Variants in BMP5 observed in about 807,000 individuals in gnomAD.
The protein encoded by BMP5 is bone morphogenetic protein 5.
BMP5 carries 23 observed loss-of-function variants against 46.6 expected under a neutral mutation model. That is an observed-to-expected ratio of 0.49 (90% CI 0.35 to 0.70). The LOEUF is 0.70. Among genes scored for constraint, BMP5 ranks in the 30% least tolerant of loss-of-function variants. BMP5 has a pLI of 0.00. For synonymous variants in BMP5, 204 were observed against 191.9 expected (o/e 1.06, Z -0.52); for missense variants, 545 against 565.6 (o/e 0.96, Z 0.37).
chr6:55,810,397 A>C (rs2127534990), intron 2 of BMP5, among the ~76,000 whole-genome samples: 1 of 152,312 alleles, frequency 6.6e-6, no homozygotes, highest in Admixed American at 6.5e-5. Context: ...ACTGAGCAGA[A>C]TTTTTTTAAT....
At chr6:55,856,434 G>A (rs1399756831) in intron 1 of BMP5, among the ~76,000 whole-genome samples, 1 of 152,048 alleles carries the variant, frequency 6.6e-6, no homozygotes, top group African/African-American at 2.4e-5. Context: ...TAAGTTTAAT[G>A]TTATCAAAAA....
chr6:55,856,358 T>C (rs1049041262), intron 1 of BMP5, among the ~76,000 whole-genome samples: 13 of 152,192 alleles, frequency 8.5e-5, no homozygotes, highest in African/African-American at 2.4e-4. Flanking sequence ...GGCTTTTGTG[T>C]GAACCCAAGT....
At chr6:55,866,520 C>T (rs767877066) in intron 1 of BMP5, among the ~76,000 whole-genome samples, 4 of 152,120 alleles carry the variant, frequency 2.6e-5, no homozygotes, top group Admixed American at 1.3e-4. Flanking sequence ...AACACACAGT[C>T]GTGGATCATC....
chr6:55,795,898 A>G (rs756388948), intron 2 of BMP5, among the ~76,000 whole-genome samples: 22 of 152,204 alleles, frequency 1.4e-4, no homozygotes, highest in Non-Finnish European at 2.6e-4. Context: ...ACAAAGCAGT[A>G]AAATGATTCC....
chr6:55,813,585 T>C (rs1331441802), intron 2 of BMP5, among the ~76,000 whole-genome samples: 10 of 152,014 alleles, frequency 6.6e-5, no homozygotes, highest in Admixed American at 4.6e-4. Flanking sequence ...GTCAGGAGAC[T>C]GAAACCATCC....
At chr6:55,796,399 A>C (rs1311331362) in intron 2 of BMP5, among the ~76,000 whole-genome samples, 1 of 151,960 alleles carries the variant, frequency 6.6e-6, no homozygotes, top group Non-Finnish European at 1.5e-5. Context: ...CAAACTCTCC[A>C]TGTTCAAATC....
intron 4 of BMP5, among the ~76,000 whole-genome samples, chr6:55,764,583 A>AG (rs1314970803): frequency 6.8e-6 from 1 of 147,498 alleles, no homozygotes; most frequent in Non-Finnish European, 1.5e-5. Context: ...AAAAAAAAAA[A>AG]AAAAGAAAAA....
At chr6:55,757,530 A>T (rs1425540981) in intron 6 of BMP5, among the ~76,000 whole-genome samples, 1 of 151,950 alleles carries the variant, frequency 6.6e-6, no homozygotes, top group African/African-American at 2.4e-5. Flanking sequence ...TAGAAGTTTG[A>T]ATGCAAAACA....
intron 4 of BMP5, among the ~76,000 whole-genome samples, chr6:55,761,841 T>C (rs547301691): frequency 2.6e-5 from 4 of 152,094 alleles, no homozygotes; most frequent in Non-Finnish European, 4.4e-5. Flanking sequence ...ATAAGCGTCA[T>C]AGGGGCAAGA....
At chr6:55,837,203 G>A (rs758593818) in intron 1 of BMP5, among the ~76,000 whole-genome samples, 2 of 151,966 alleles carry the variant, frequency 1.3e-5, no homozygotes, top group South Asian at 2.1e-4. Flanking sequence ...GGGTGTGGGC[G>A]ACCACAGAGC....
chr6:55,767,853 C>T (rs1312200475), intron 4 of BMP5, among the ~76,000 whole-genome samples: 2 of 152,022 alleles, frequency 1.3e-5, no homozygotes, highest in African/African-American at 2.4e-5. Flanking sequence ...TAAGCTGCAA[C>T]AGTTGAAAAG....
chr6:55,788,404 A>C (rs563645001), intron 3 of BMP5, among the ~76,000 whole-genome samples: 1 of 151,870 alleles, frequency 6.6e-6, no homozygotes, highest in Non-Finnish European at 1.5e-5. Flanking sequence ...GCTTAATAAC[A>C]TAACTGCCTA....
chr6:55,867,164 A>G (rs75463790), intron 1 of BMP5, among the ~76,000 whole-genome samples: 9 of 152,206 alleles, frequency 5.9e-5, no homozygotes, highest in Non-Finnish European at 8.8e-5. Context: ...GAACCAATGG[A>G]AGACCAAAGC....
chr6:55,755,911 A>G (rs1311492497), intron 6 of BMP5, among the ~76,000 whole-genome samples: 1 of 151,970 alleles, frequency 6.6e-6, no homozygotes, highest in East Asian at 1.9e-4. Flanking sequence ...CTTGAAAAAT[A>G]TCTCACCAAA....
chr6:55,808,297 T>A (rs1282193099), intron 2 of BMP5, among the ~76,000 whole-genome samples: 1 of 152,172 alleles, frequency 6.6e-6, no homozygotes, highest in African/African-American at 2.4e-5. Context: ...CTGTGAGGGA[T>A]ACTTCTTGGG....
intron 4 of BMP5, 79 bp from the exon 5 acceptor site, chr6:55,760,612 AT>A: frequency 1.6e-6 from 2 of 1,286,732 alleles, no homozygotes; most frequent in Non-Finnish European, 2.2e-6. Context: ...CACTGGTAAG[AT>A]TTTTTAAAGG....
At chr6:55,764,637 A>G (rs1774877898) in intron 4 of BMP5, among the ~76,000 whole-genome samples, 1 of 151,780 alleles carries the variant, frequency 6.6e-6, no homozygotes, top group South Asian at 2.1e-4. Flanking sequence ...AGCAAGATGG[A>G]TGAAACAACT....
At chr6:55,870,256 C>G (rs542703199) in intron 1 of BMP5, among the ~76,000 whole-genome samples, 72 of 151,216 alleles carry the variant, frequency 4.8e-4, no homozygotes, top group Non-Finnish European at 8.2e-4. Flanking sequence ...CTCTGGCAAC[C>G]CAGAGTTTGT....
At chr6:55,853,142 TAAAATAAAATAAAATA>T (rs1777289216) in intron 1 of BMP5, among the ~76,000 whole-genome samples, 1 of 6,856 alleles carries the variant, frequency 1.5e-4, no homozygotes, top group Non-Finnish European at 2.2e-4. Flanking sequence ...AATACATAAA[TAAAATAAAATAAAATA>T]AAATAAAATA....
Sources: allele counts gnomAD v4.1 joint callset (sites outside exome capture counted in the v4.1 genomes callset), GRCh38; gene constraint gnomAD v4.1.1; transcripts MANE v1.5; gene names NCBI Gene and HGNC (gene_info 2026-07-23, HGNC 2026-07-21).